RUBCN: variants seen among roughly 807,000 people sequenced by gnomAD.
RUBCN encodes the protein rubicon autophagy regulator.
RUBCN carries 74 observed loss-of-function variants against 113.2 expected under a neutral mutation model. The observed-to-expected ratio is 0.65, with a 90% CI of 0.54 to 0.79. The LOEUF (loss-of-function observed/expected upper bound fraction) is 0.79, where lower values mean the gene tolerates loss of function less well. RUBCN is among the 30% of genes least tolerant of loss of function. The probability of loss-of-function intolerance (pLI) is 0.00; values close to 1 mark genes in which losing one functional copy is unlikely to be tolerated. For synonymous variants in RUBCN, 480 were observed against 490.0 expected (o/e 0.98, Z 0.27); for missense variants, 1,109 against 1,251.7 (o/e 0.89, Z 1.72).
intron 1 of RUBCN, 46 bp downstream of exon 1, chr3:197,736,609 T>TC (rs1387988145): frequency 2.0e-6 from 3 of 1,524,992 alleles, no homozygotes; most frequent in South Asian, 2.4e-5. Context: ...CTCCCGGGGC[T>TC]CCGGCGCCTG....
At chr3:197,744,897 G>C (rs368404694) in intron 1 of RUBCN, among the ~76,000 whole-genome samples, 1 of 152,030 alleles carries the variant, frequency 6.6e-6, no homozygotes, top group Non-Finnish European at 1.5e-5. Context: ...TCAGATTATC[G>C]TAGTGTTTTC....
chr3:197,736,915 G>A (rs1728210928), upstream of RUBCN: 7 of 1,357,202 alleles, frequency 5.2e-6, no homozygotes, highest in East Asian at 3.1e-5. Context: ...CCCCACTTCC[G>A]GCTCCGGGGA....
At chr3:197,724,591 G>C (rs1435838437) in intron 1 of RUBCN, among the ~76,000 whole-genome samples, 1 of 152,188 alleles carries the variant, frequency 6.6e-6, no homozygotes, top group East Asian at 1.9e-4. Context: ...ATGGATCACA[G>C]CTGAAAGTCA....
intron 2 of RUBCN, among the ~76,000 whole-genome samples, chr3:197,707,175 C>CA (rs1306672577): frequency 6.6e-6 from 1 of 151,716 alleles, no homozygotes; most frequent in Non-Finnish European, 1.5e-5. Flanking sequence ...ACTAAAAATA[C>CA]AAAAAAATTA....
At chr3:197,696,901 AG>A in intron 8 of RUBCN, 52 bp downstream of exon 8, 1 of 961,720 alleles carries the variant, frequency 1.0e-6, no homozygotes, top group Admixed American at 1.7e-5. Context: ...AGCAGGCACA[AG>A]GGGTGAGCAG....
chr3:197,675,576 G>T lies in RUBCN; in HGVS notation c.2647-61C>A. 1.6e-6 allele frequency: 2 copies of T among 1,266,960 alleles called. No homozygotes were observed. The highest frequency in any genetic ancestry group is 2.3e-6 in the Non-Finnish European group (2 of 868,032). The allele number at this position is 1,266,960 out of a possible 1,614,324, so 78.5% of individuals were successfully genotyped here. ...CGGCACATCAGGAACTGGCACGGGA[G>T]GGTGAACACCGAGGAGGGGAGTGGT... is the stretch of plus-strand genomic sequence containing the variant. On this transcript the variant is annotated intron_variant, in intron 18 of 19. Coordinates refer to ENST00000296343, the MANE Select transcript of RUBCN (RefSeq NM_014687.4). This position sits in a 1 kb window ranked among gnomAD's most constrained non-coding sequence, Gnocchi z 4.4.
At chr3:197,741,002 G>A (rs1728505014), upstream of RUBCN, among the ~76,000 whole-genome samples, 1 of 152,164 alleles carries the variant, frequency 6.6e-6, no homozygotes, top group South Asian at 2.1e-4. Flanking sequence ...TCTATACAGA[G>A]AGAAAGCAAA....
At chr3:197,723,393 C>T (rs1298562735) in intron 1 of RUBCN, among the ~76,000 whole-genome samples, 2 of 152,040 alleles carry the variant, frequency 1.3e-5, no homozygotes, top group Non-Finnish European at 2.9e-5. Context: ...ACTATGTTGG[C>T]CAGGCCAGTC....
intron 1 of RUBCN, among the ~76,000 whole-genome samples, chr3:197,718,529 A>G (rs995797956): frequency 6.6e-6 from 1 of 152,146 alleles, no homozygotes; most frequent in African/African-American, 2.4e-5. Context: ...AGCTCACTGT[A>G]GCCTCAACCT....
At position 197,703,674 on chromosome 3, in the gene RUBCN, C is replaced by A; in HGVS notation, c.464-20G>T. On this transcript the variant is annotated intron_variant, in intron 4 of 19. Transcript: ENST00000296343. ...CAGCATCTGGGGAGAGAAAAGCTGCCACAGTGATAGAGCCCATCAGGGAGG... is the reference window on the plus strand; with the variant it reads ...CAGCATCTGGGGAGAGAAAAGCTGCAACAGTGATAGAGCCCATCAGGGAGG... The A allele has an allele frequency of 6.5e-7, 1 of 1,539,866 alleles. No homozygotes were observed. The highest frequency in any genetic ancestry group is 2.2e-5 in the East Asian group (1 of 44,480).
upstream of RUBCN, among the ~76,000 whole-genome samples, chr3:197,740,488 AAG>A (rs1368986771): frequency 3.9e-5 from 6 of 152,180 alleles, no homozygotes; most frequent in African/African-American, 7.2e-5. Context: ...GAAAAAGAAA[AAG>A]AAATTTTGTA....
chr3:197,727,497 A>T (rs1726895359), intron 1 of RUBCN, among the ~76,000 whole-genome samples: 1 of 152,234 alleles, frequency 6.6e-6, no homozygotes, highest in African/African-American at 2.4e-5. Flanking sequence ...CTTAAAAAGA[A>T]AATTCTGCCA....
chr3:197,696,047 A>T, intron 8 of RUBCN, 66 bp from the exon 9 acceptor site: 1 of 1,460,296 alleles, frequency 6.8e-7, no homozygotes, highest in Non-Finnish European at 9.6e-7. Context: ...TTTTGTCATT[A>T]AAGATGCTCC....
At chr3:197,693,186 C>A (rs1722621658) in intron 11 of RUBCN, among the ~76,000 whole-genome samples, 2 of 151,988 alleles carry the variant, frequency 1.3e-5, no homozygotes, top group Admixed American at 1.3e-4. Flanking sequence ...ATACTCCTAC[C>A]ACCACCACCA....
intron 16 of RUBCN, among the ~76,000 whole-genome samples, chr3:197,678,693 G>A (rs959982640): frequency 6.7e-6 from 1 of 149,208 alleles, no homozygotes; most frequent in Non-Finnish European, 1.5e-5. Context: ...ACTGGCTCCA[G>A]ACTGTCGTAT....
chr3:197,749,660 G>C, exon 1 of RUBCN: 1 of 782,948 alleles, frequency 1.3e-6, no homozygotes. Flanking sequence ...GGTGCCCGCG[G>C]TCTAGCATCC....
At position 197,671,466 on chromosome 3, in the gene RUBCN, G is replaced by T. The variant is rs1172780068; in HGVS notation, c.*3552C>A. On this transcript the variant is annotated 3_prime_UTR_variant, in exon 20 of 20. Coordinates refer to ENST00000296343, the MANE Select transcript of RUBCN (RefSeq NM_014687.4). ...AACATCCACAGAACTTGATGACAGG[G>T]AGTAGGAATGAGACGATGCGTGATG... 6.6e-6 allele frequency: 1 copy of T among 152,224 alleles called. No individual in the cohort carries two copies. Among genetic ancestry groups the T allele is most frequent in the East Asian group, 1.9e-4 (1 of 5,200 alleles). 9.4% of individuals were successfully genotyped at this position (152,224 alleles called of 1,614,324 possible).
chr3:197,697,026 A>G lies in RUBCN; in HGVS notation c.1285T>C (p.Leu429=), dbSNP rs767697634. The part of the protein sequence containing the change: ...APESCNDKAK[L]RGPLPYSGQS... ...CCAGAGTAGGGCAAAGGGCCTCTCA[A>G]CTTCGCCTTATCATTGCAGGATTCT... Residue 429 remains leucine, a synonymous_variant, in exon 8 of 20, where the codon TTG becomes CTG. Transcript: ENST00000296343. 13 of 1,601,394 alleles carry G rather than the reference A, an allele frequency of 8.1e-6. No homozygotes were observed. The South Asian group carries it at 8.8e-5, about 11-fold the overall frequency.
chr3:197,685,158 CCAGAGACCT>C (rs764200385), intron 11 of RUBCN, among the ~76,000 whole-genome samples: 14 of 152,206 alleles, frequency 9.2e-5, no homozygotes, highest in South Asian at 8.3e-4. Flanking sequence ...TGCTGAACCT[CCAGAGACCT>C]CAGAGACCTC....
Sources: gnomAD v4.1 joint callset for allele counts (sites outside exome capture counted in the v4.1 genomes callset) on GRCh38, gnomAD v4.1.1 for gene constraint, Gnocchi (gnomAD v3.1) non-coding constraint, MANE v1.5 for transcripts, NCBI Gene and HGNC (gene_info 2026-07-23, HGNC 2026-07-21) for gene names.